Variants in GAN observed in about 807,000 individuals in gnomAD.
The protein encoded by GAN is epididymis secretory sperm binding protein.
GAN carries 48 observed loss-of-function variants against 71.3 expected under a neutral mutation model. The observed-to-expected ratio is 0.67, with a 90% CI of 0.53 to 0.86. GAN has a LOEUF of 0.86. Ranked by LOEUF, GAN falls within the 40% of genes least tolerant of loss-of-function variation. The pLI, the probability that GAN is intolerant of heterozygous loss-of-function variation, is 0.00. For missense variants in GAN, 928 were observed against 770.1 expected, an observed-to-expected ratio of 1.21 and a Z score of -2.43; for synonymous variants, 386 against 276.8, an observed-to-expected ratio of 1.39 and a Z score of -3.92.
chr16:81,327,507 C>T (rs759449006), intron 1 of GAN, among the ~76,000 whole-genome samples: 1 of 152,134 alleles, frequency 6.6e-6, no homozygotes, highest in African/African-American at 2.4e-5. Flanking sequence ...CTTAATGCTT[C>T]GGTTTGAACT....
At position 81,356,918 on chromosome 16, in the gene GAN, C is replaced by T. The variant is rs773154188; in HGVS notation, c.767C>T (p.Pro256Leu). 9 of 1,613,628 alleles carry T rather than the reference C, an allele frequency of 5.6e-6. No individual in the cohort carries two copies. Among genetic ancestry groups the T allele is most frequent in the African/African-American group, 5.3e-5 (4 of 74,882 alleles). Residue 256 changes from proline to leucine, a missense_variant, in exon 4 of 11, where the codon CCG becomes CTG. Coordinates refer to ENST00000648994, the MANE Select transcript of GAN (RefSeq NM_022041.4). ...TGTAGCAATATACCGCTCAGCCAGC[C>T]GCAGCAAGGGGAGGCGATGCTGGCC... Reference protein sequence around the residue: ...KECSNIPLSQPQQGEAMLANF... With the variant: ...KECSNIPLSQLQQGEAMLANF...
chr16:81,354,593 G>A lies in GAN; in HGVS notation c.471G>A (p.Leu157=), dbSNP rs143704621. The A allele has an allele frequency of 3.5e-5, 56 of 1,613,958 alleles. No individual in the cohort carries two copies. Among genetic ancestry groups the A allele is most frequent in the Non-Finnish European group, 4.5e-5 (53 of 1,179,988 alleles). ...HHVHYLATEY[L]ETHFRDVSST... ...TTCATTACCTTGCCACAGAATACCT[G>A]GAGACTCATTTCCGAGACGTCAGCA... Residue 157 remains leucine (L), a synonymous_variant, in exon 3 of 11, where the codon CTG becomes CTA. Coordinates refer to ENST00000648994, the MANE Select transcript of GAN (RefSeq NM_022041.4).
At chr16:81,358,997 G>T (rs1000451405) in intron 5 of GAN, among the ~76,000 whole-genome samples, 1 of 152,004 alleles carries the variant, frequency 6.6e-6, no homozygotes, top group African/African-American at 2.4e-5. Context: ...TGTTGCCCAG[G>T]CTATAATATT....
rs572943711 is a variant in GAN, at chr16:81,316,346, G to A, written c.167+1066G>A. Among the ~76,000 whole-genome samples, 28 of 48,456 alleles carry A rather than the reference G, an allele frequency of 5.8e-4. No homozygotes were observed. The Middle Eastern group carries it at 0.036, about 63-fold the overall frequency. The allele number at this position is 48,456 out of a possible 152,430, so 31.8% of individuals were successfully genotyped here. A position where few individuals can be genotyped will look rare whatever the true frequency, so the allele number is the denominator to read the frequency against. On this transcript the variant is annotated intron_variant, in intron 1 of 10. Transcript: ENST00000648994. ...CGCTTTGTCCCAGCAAAACCACCAC[G>A]CACGCTACACTTTTAACCTTTGCAT...
chr16:81,323,504 C>G (rs1219490769), intron 1 of GAN, among the ~76,000 whole-genome samples: 1 of 152,184 alleles, frequency 6.6e-6, no homozygotes, highest in Non-Finnish European at 1.5e-5. Context: ...TGCCTTAACC[C>G]ATATGCTGTG....
rs182887099 is a variant in GAN, at chr16:81,371,518, G to T, written c.1503-5701G>T. On this transcript the variant is annotated intron_variant, in intron 9 of 10. Coordinates refer to ENST00000648994, the MANE Select transcript of GAN (RefSeq NM_022041.4). ...ATTGCAAGCTGTGCCACCTGCCATG[G>T]GTGGCAGCTGAAATCTCAGTCCAGT... Among the ~76,000 whole-genome samples, 7 of 152,264 alleles carry T rather than the reference G, an allele frequency of 4.6e-5. No homozygotes were observed. In the East Asian group the frequency reaches 1.2e-3, roughly 25 times the overall value.
At chr16:81,321,376 A>G (rs546308172) in intron 1 of GAN, among the ~76,000 whole-genome samples, 68 of 152,286 alleles carry the variant, frequency 4.5e-4, no homozygotes, top group Middle Eastern at 3.4e-3. Flanking sequence ...TCTTTTACCT[A>G]TACTGTTTTT....
chr16:81,335,195 G>A (rs928172476), intron 1 of GAN, among the ~76,000 whole-genome samples: 11 of 151,832 alleles, frequency 7.2e-5, no homozygotes, highest in African/African-American at 2.4e-4. Context: ...AGGACAAGCT[G>A]GGAACTTTTT....
intron 1 of GAN, among the ~76,000 whole-genome samples, chr16:81,333,113 G>T (rs542198495): frequency 6.6e-6 from 1 of 151,898 alleles, no homozygotes; most frequent in Non-Finnish European, 1.5e-5. Context: ...TAGGTGGCAC[G>T]CACCTGTAGT....
chr16:81,348,132 C>G (rs1910181625), intron 1 of GAN, among the ~76,000 whole-genome samples: 1 of 152,170 alleles, frequency 6.6e-6, no homozygotes, highest in South Asian at 2.1e-4. Flanking sequence ...GAGCCATGTG[C>G]TCAGCCATCT....
At chr16:81,356,324 A>T (rs1383268136) in intron 3 of GAN, among the ~76,000 whole-genome samples, 1 of 152,010 alleles carries the variant, frequency 6.6e-6, no homozygotes, top group Non-Finnish European at 1.5e-5. Flanking sequence ...TTTTTTTTTA[A>T]ACTTTGGCTT....
At chr16:81,366,322 A>G (rs772290285) in intron 9 of GAN, among the ~76,000 whole-genome samples, 24 of 152,146 alleles carry the variant, frequency 1.6e-4, no homozygotes, top group Non-Finnish European at 2.9e-4. Flanking sequence ...CTGAGGCTTG[A>G]TTTCTGAGAT....
At chr16:81,343,017 A>G (rs1272974313) in intron 1 of GAN, among the ~76,000 whole-genome samples, 1 of 152,252 alleles carries the variant, frequency 6.6e-6, no homozygotes, top group Non-Finnish European at 1.5e-5. Context: ...GAAATAAACT[A>G]GAACATCTAG....
In GAN at chr16:81,386,234, C is replaced by T. The variant is rs962335258; in HGVS notation, c.*8638C>T. The T allele has an allele frequency of 2.0e-5, 3 of 152,166 alleles. No individual in the cohort carries two copies. The highest frequency in any genetic ancestry group is 4.4e-5 in the Non-Finnish European group (3 of 68,030). The allele number at this position is 152,166 out of a possible 1,614,324, so 9.4% of individuals were successfully genotyped here. On this transcript the variant is annotated 3_prime_UTR_variant, in exon 11 of 11. Coordinates refer to ENST00000648994, the MANE Select transcript of GAN (RefSeq NM_022041.4). ...CTCTAATAATACTTAAAACTCTTTACTAAAGTTGAATTTTCCTTTTTTTTC... is the reference window on the plus strand; with the variant it reads ...CTCTAATAATACTTAAAACTCTTTATTAAAGTTGAATTTTCCTTTTTTTTC...
At chr16:81,375,331 T>A (rs1053803128) in intron 9 of GAN, among the ~76,000 whole-genome samples, 8 of 140,744 alleles carry the variant, frequency 5.7e-5, no homozygotes, top group Non-Finnish European at 9.1e-5. Flanking sequence ...TTTTTTTTTT[T>A]AATTTATCTT....
At chr16:81,337,444 A>G (rs1316261995) in intron 1 of GAN, among the ~76,000 whole-genome samples, 1 of 152,236 alleles carries the variant, frequency 6.6e-6, no homozygotes, top group African/African-American at 2.4e-5. Flanking sequence ...AAAGTCACTT[A>G]GACTTATTCT....
chr16:81,334,778 A>G (rs964422448), intron 1 of GAN, among the ~76,000 whole-genome samples: 11 of 152,286 alleles, frequency 7.2e-5, no homozygotes, highest in African/African-American at 2.4e-4. Flanking sequence ...GCCATTCTAA[A>G]CAGTGTGGTC....
At chr16:81,323,835 G>A (rs905684827) in intron 1 of GAN, among the ~76,000 whole-genome samples, 10 of 152,148 alleles carry the variant, frequency 6.6e-5, no homozygotes, top group Non-Finnish European at 1.5e-4. Context: ...TGTGCTGCCT[G>A]CCATTGGAGC....
At chr16:81,334,864 C>T (rs1008553067) in intron 1 of GAN, among the ~76,000 whole-genome samples, 2 of 152,160 alleles carry the variant, frequency 1.3e-5, no homozygotes, top group African/African-American at 2.4e-5. Flanking sequence ...AACCTGGCTG[C>T]GTGCTCATTT....
Sources: gnomAD v4.1 joint callset for allele counts (sites outside exome capture counted in the v4.1 genomes callset) on GRCh38, gnomAD v4.1.1 for gene constraint, MANE v1.5 for transcripts, NCBI Gene and HGNC (gene_info 2026-07-23, HGNC 2026-07-21) for gene names.